Variants in LRRC37A2 observed in about 807,000 individuals in gnomAD.
LRRC37A2 encodes leucine rich repeat containing 37 member A2.
Under a neutral mutation model 68.8 loss-of-function variants are expected in LRRC37A2, and 9 were observed. The ratio of observed to expected loss-of-function variants is 0.13; its 90% CI spans 0.08 to 0.23. The LOEUF is 0.23. Ranked by LOEUF, LRRC37A2 falls within the 10% of genes least tolerant of loss-of-function variation. The pLI, the probability that LRRC37A2 is intolerant of heterozygous loss-of-function variation, is 1.00. For synonymous variants in LRRC37A2, 63 were observed against 367.6 expected (o/e 0.17, Z 9.48); for missense variants, 168 against 950.4 (o/e 0.18, Z 10.82).
At chr17:46,610,045 T>TC in the LRRC37A2 span, among the ~76,000 whole-genome samples, 20 of 86,280 alleles carry the variant, frequency 2.3e-4, 1 homozygote, top group Non-Finnish European at 4.2e-4. Flanking sequence ...CTCTCTCTCT[T>TC]TCTTTCTTTC....
At chr17:46,810,095 C>G in the LRRC37A2 span, among the ~76,000 whole-genome samples, 6 of 151,514 alleles carry the variant, frequency 4.0e-5, no homozygotes, top group Admixed American at 3.9e-4. Context: ...CAACCTCCGC[C>G]TCCCAGGTTC....
the LRRC37A2 span, among the ~76,000 whole-genome samples, chr17:47,023,830 G>A: frequency 2.0e-5 from 3 of 152,052 alleles, no homozygotes; most frequent in Non-Finnish European, 4.4e-5. Flanking sequence ...CATGACCGTG[G>A]GTGATTCACA....
the LRRC37A2 span, among the ~76,000 whole-genome samples, chr17:46,473,821 G>A: frequency 1.2e-5 from 1 of 86,588 alleles, no homozygotes; most frequent in Admixed American, 1.1e-4. Flanking sequence ...ACTTGAACCC[G>A]GGAGGCAGAG....
the LRRC37A2 span, among the ~76,000 whole-genome samples, chr17:46,960,543 A>G: frequency 2.0e-5 from 3 of 152,232 alleles, no homozygotes; most frequent in Admixed American, 1.3e-4. Context: ...TCACACATAC[A>G]TAAAAAAACT....
chr17:46,945,407 C>T, the LRRC37A2 span, among the ~76,000 whole-genome samples: 8 of 152,232 alleles, frequency 5.3e-5, no homozygotes, highest in South Asian at 1.5e-3. Context: ...TTTTGAGGTG[C>T]AACGTAGTGT....
the LRRC37A2 span, chr17:47,024,865 T>C: frequency 1.7e-6 from 1 of 598,598 alleles, no homozygotes; most frequent in Admixed American, 2.8e-5. Context: ...TCTGCAATTC[T>C]GTAAGTTTGT....
At chr17:46,758,378 G>T in the LRRC37A2 span, among the ~76,000 whole-genome samples, 5 of 152,224 alleles carry the variant, frequency 3.3e-5, no homozygotes, top group African/African-American at 1.2e-4. Context: ...GAGAAGGTGG[G>T]TTCTTGAAGC....
chr17:46,855,350 C>T, the LRRC37A2 span, among the ~76,000 whole-genome samples: 6 of 152,224 alleles, frequency 3.9e-5, no homozygotes, highest in Non-Finnish European at 8.8e-5. Context: ...GTTGCACTGA[C>T]CCCTGCTAGA....
chr17:46,977,536 A>T, the LRRC37A2 span, among the ~76,000 whole-genome samples: 1 of 152,212 alleles, frequency 6.6e-6, no homozygotes, highest in Non-Finnish European at 1.5e-5. Context: ...CACCTGCAGG[A>T]GGCGTGGGTT....
the LRRC37A2 span, among the ~76,000 whole-genome samples, chr17:47,046,192 A>T: frequency 7.2e-6 from 1 of 138,524 alleles, no homozygotes. Context: ...AAAAAAAAAA[A>T]AATTAGCTGG....
At chr17:46,707,184 A>C in the LRRC37A2 span, among the ~76,000 whole-genome samples, 2 of 152,128 alleles carry the variant, frequency 1.3e-5, no homozygotes, top group African/African-American at 4.8e-5. Context: ...GTTAGGTGTA[A>C]AATGAGATCT....
Position 46,521,127 on chromosome 17 carries a change from G to A in LRRC37A2, c.2753+844G>A, listed in dbSNP as rs2052223401. Among the ~76,000 whole-genome samples the A allele has an allele frequency of 4.0e-5, 3 of 74,542 alleles. 1 individual carries two copies. The highest frequency in any genetic ancestry group is 7.1e-5 in the Non-Finnish European group (2 of 28,158). The allele number at this position is 74,542 out of a possible 152,430, so 48.9% of individuals were successfully genotyped here. On this transcript the variant is annotated intron_variant, in intron 4 of 14. Transcript: ENST00000576629. ...CTTCACTAATTACAAAATAACGATC[G>A]CCCCAGCCCTGTTACCAAGAAAGGG...
chr17:46,912,937 G>C, the LRRC37A2 span, among the ~76,000 whole-genome samples: 2,429 of 152,314 alleles, frequency 0.016, 27 homozygotes, highest in Non-Finnish European at 0.025. Flanking sequence ...CCACCAACAA[G>C]CTTGGCCAGC....
the LRRC37A2 span, among the ~76,000 whole-genome samples, chr17:46,974,717 G>C: frequency 1.4e-5 from 2 of 139,844 alleles, no homozygotes; most frequent in African/African-American, 5.3e-5. Flanking sequence ...CTGGGGGACA[G>C]AGCAAGACTC....
the LRRC37A2 span, among the ~76,000 whole-genome samples, chr17:46,778,585 A>G: frequency 6.6e-6 from 1 of 151,990 alleles, no homozygotes; most frequent in Admixed American, 6.6e-5. Flanking sequence ...CAGACACATT[A>G]CTTTAACTCG....
At chr17:46,852,455 A>T in the LRRC37A2 span, among the ~76,000 whole-genome samples, 3 of 141,088 alleles carry the variant, frequency 2.1e-5, no homozygotes, top group Admixed American at 7.1e-5. Flanking sequence ...TGGTTGGAAA[A>T]GGAGGATCAC....
At chr17:46,844,046 C>T in the LRRC37A2 span, among the ~76,000 whole-genome samples, 1 of 152,156 alleles carries the variant, frequency 6.6e-6, no homozygotes, top group African/African-American at 2.4e-5. Context: ...TGCAACTTCC[C>T]ATGCTCAAGA....
At chr17:46,986,320 T>G in the LRRC37A2 span, among the ~76,000 whole-genome samples, 1 of 152,058 alleles carries the variant, frequency 6.6e-6, no homozygotes, top group South Asian at 2.1e-4. Flanking sequence ...CCTAGAATTG[T>G]TGGGAAGGTT....
At chr17:46,932,165 G>A in the LRRC37A2 span, 17 of 1,614,136 alleles carry the variant, frequency 1.1e-5, no homozygotes, top group African/African-American at 4.0e-5. Flanking sequence ...GAGAGACAGC[G>A]AGAAGAGCTT....
Sources: allele counts gnomAD v4.1 joint callset (sites outside exome capture counted in the v4.1 genomes callset), GRCh38; gene constraint gnomAD v4.1.1; transcripts MANE v1.5; gene names NCBI Gene and HGNC (gene_info 2026-07-23, HGNC 2026-07-21).